The following MID1 variants were observed in gnomAD, a reference collection of about 807,000 sequenced individuals.
MID1 encodes midline 1, also known as E3 ubiquitin-protein ligase Midline-1.
Under a neutral mutation model 40.4 loss-of-function variants are expected in MID1, and 7 were observed. That is an observed-to-expected ratio of 0.17 (90% CI 0.10 to 0.33). MID1 has a LOEUF of 0.33. MID1 is among the 10% of genes least tolerant of loss of function. The pLI, the probability that MID1 is intolerant of heterozygous loss-of-function variation, is 1.00. For synonymous variants in MID1, 229 were observed against 221.2 expected (o/e 1.04, Z -0.31); for missense variants, 367 against 558.5 (o/e 0.66, Z 3.46).
chrX:10,753,842 T>C (rs2043614395), intron 1 of MID1, among the ~76,000 whole-genome samples: 1 of 112,136 alleles, frequency 8.9e-6, no homozygotes. Context: ...TGAAAATTGG[T>C]ATTAATCTTT....
intron 1 of MID1, among the ~76,000 whole-genome samples, chrX:10,803,989 G>C (rs770028233): frequency 4.8e-4 from 53 of 110,350 alleles, no homozygotes; most frequent in Non-Finnish European, 9.3e-4. Context: ...ATTTCCATTT[G>C]GGAAGTTTCT....
intron 1 of MID1, among the ~76,000 whole-genome samples, chrX:10,718,891 A>G (rs2043325937): frequency 8.9e-6 from 1 of 112,135 alleles, no homozygotes; most frequent in Admixed American, 9.4e-5. Flanking sequence ...GGCAGGTTCA[A>G]CATACGCAAA....
At chrX:10,543,605 G>A (rs969584161) in intron 2 of MID1, among the ~76,000 whole-genome samples, 2 of 111,060 alleles carry the variant, frequency 1.8e-5, no homozygotes, top group African/African-American at 6.6e-5. Flanking sequence ...CACTTTGGGG[G>A]GCTGAGGCGG....
At chrX:10,589,426 G>A (rs1237134750) in intron 1 of MID1, among the ~76,000 whole-genome samples, 2 of 111,097 alleles carry the variant, frequency 1.8e-5, no homozygotes, top group Admixed American at 9.5e-5. Context: ...ATCAGGCCAC[G>A]CTTCCACTCA....
chrX:10,801,668 C>A (rs1377148409), intron 1 of MID1, among the ~76,000 whole-genome samples: 5 of 111,657 alleles, frequency 4.5e-5, no homozygotes, highest in Non-Finnish European at 9.4e-5. Flanking sequence ...GAAACTGGAC[C>A]CCCACCTTTC....
At chrX:10,659,297 A>C (rs1284496343) in intron 1 of MID1, among the ~76,000 whole-genome samples, 1 of 111,860 alleles carries the variant, frequency 8.9e-6, no homozygotes, top group Admixed American at 9.5e-5. Flanking sequence ...CTATGGAGTC[A>C]GGTGCACAGA....
chrX:10,786,369 A>G (rs1306421511), intron 1 of MID1, among the ~76,000 whole-genome samples: 21 of 110,630 alleles, frequency 1.9e-4, no homozygotes, highest in African/African-American at 1.6e-4. Context: ...CACTGTTGGT[A>G]GGACTGTAAA....
At chrX:10,576,575 C>T (rs1306469967) in intron 1 of MID1, among the ~76,000 whole-genome samples, 2 of 111,647 alleles carry the variant, frequency 1.8e-5, no homozygotes, top group East Asian at 5.6e-4. Context: ...AATGGCAATG[C>T]AAAAGAACAA....
chrX:10,645,309 A>T (rs773598228), intron 1 of MID1, among the ~76,000 whole-genome samples: 71 of 112,337 alleles, frequency 6.3e-4, no homozygotes, highest in Non-Finnish European at 1.2e-3. Flanking sequence ...CAGTGCAGCC[A>T]CATGGTAAGA....
intron 1 of MID1, among the ~76,000 whole-genome samples, chrX:10,730,093 A>AAAT (rs1569157284): frequency 1.4e-4 from 15 of 108,488 alleles, no homozygotes; most frequent in African/African-American, 5.0e-4. Context: ...CAAAAAAAAA[A>AAAT]AAATAAATAA....
chrX:10,549,925 A>C (rs1933842888), intron 2 of MID1, among the ~76,000 whole-genome samples: 1 of 112,594 alleles, frequency 8.9e-6, no homozygotes, highest in Admixed American at 9.4e-5. Flanking sequence ...TGACTGAATA[A>C]ATTCAGCCTC....
chrX:10,676,380 C>T (rs956242465), intron 1 of MID1, among the ~76,000 whole-genome samples: 2 of 111,809 alleles, frequency 1.8e-5, no homozygotes, highest in Non-Finnish European at 3.8e-5. Flanking sequence ...CGATGCAGGA[C>T]GTCCGCAGAG....
chrX:10,642,535 C>T (rs370867526), intron 1 of MID1, among the ~76,000 whole-genome samples: 34 of 110,311 alleles, frequency 3.1e-4, no homozygotes, highest in East Asian at 2.8e-3. Context: ...AATGGAAGAA[C>T]ATTCCATGCT....
At chrX:10,727,428 T>C (rs756309241) in intron 1 of MID1, among the ~76,000 whole-genome samples, 7 of 113,019 alleles carry the variant, frequency 6.2e-5, no homozygotes, top group Non-Finnish European at 1.3e-4. Flanking sequence ...CTCATCATTA[T>C]GATTTTTAAA....
At chrX:10,717,869 A>G (rs1214712594) in intron 1 of MID1, among the ~76,000 whole-genome samples, 1 of 111,880 alleles carries the variant, frequency 8.9e-6, no homozygotes, top group Non-Finnish European at 1.9e-5. Context: ...GTGCAATCAA[A>G]CTAGAACTCA....
rs755469359 is a variant in MID1 at position 10,735,910 on chromosome X, G to A, written c.-187+97644C>T. Among the ~76,000 whole-genome samples the A allele has an allele frequency of 2.7e-5, 3 of 111,050 alleles. No homozygotes were observed. The East Asian group carries it at 8.5e-4, about 31-fold the overall frequency. On this transcript the variant is annotated intron_variant, in intron 1 of 10. Transcript: ENST00000380785. ...GTCTCCCAAAGTGCTGGGATTACAG[G>A]CATTAGCCACTGCACCAGCCTATAT...
chrX:10,589,221 C>G lies in MID1; in HGVS notation c.-56-21618G>C, dbSNP rs188646696. Among the ~76,000 whole-genome samples, 473 of 111,901 alleles carry G rather than the reference C, an allele frequency of 4.2e-3. 1 individual carries two copies. Among genetic ancestry groups the G allele is most frequent in the Middle Eastern group, 0.014 (3 of 219 alleles). ...AATCCAAGTATCAAGCAATCCAAGTCAAGTCAAAAACAAAAACCAAAGTGC... is the reference window on the plus strand; with the variant it reads ...AATCCAAGTATCAAGCAATCCAAGTGAAGTCAAAAACAAAAACCAAAGTGC... On this transcript the variant is annotated intron_variant, in intron 1 of 9. Transcript: ENST00000317552.
chrX:10,791,892 T>C (rs1361913354), intron 1 of MID1, among the ~76,000 whole-genome samples: 1 of 111,886 alleles, frequency 8.9e-6, no homozygotes, highest in Non-Finnish European at 1.9e-5. Context: ...TAACTTTTTT[T>C]CATTGAAATA....
At chrX:10,541,057 T>G (rs1933451285) in intron 2 of MID1, among the ~76,000 whole-genome samples, 2 of 112,247 alleles carry the variant, frequency 1.8e-5, no homozygotes, top group Admixed American at 1.9e-4. Flanking sequence ...GGCACTCAGG[T>G]TCTCTTGAGA....
Sources: allele counts gnomAD v4.1 joint callset (sites outside exome capture counted in the v4.1 genomes callset), GRCh38; gene constraint gnomAD v4.1.1; transcripts MANE v1.5; gene names NCBI Gene and HGNC (gene_info 2026-07-23, HGNC 2026-07-21).